The following EEFSEC variants were observed in gnomAD, a reference collection of about 807,000 sequenced individuals.
EEFSEC encodes the protein selenocysteine-specific elongation factor.
A neutral mutation model predicts 42.1 loss-of-function variants in EEFSEC; 43 were observed. That is an observed-to-expected ratio of 1.02 (90% CI 0.80 to 1.32). The LOEUF (loss-of-function observed/expected upper bound fraction) is 1.32, where lower values mean the gene tolerates loss of function less well. EEFSEC is among the 40% of genes most tolerant of loss of function. The pLI is 0.00. For missense variants in EEFSEC, 745 were observed against 803.6 expected, an observed-to-expected ratio of 0.93 and a Z score of 0.88; for synonymous variants, 354 against 339.1, an observed-to-expected ratio of 1.04 and a Z score of -0.48.
At chr3:128,322,763 A>C (rs753935299) in intron 4 of EEFSEC, among the ~76,000 whole-genome samples, 6 of 152,188 alleles carry the variant, frequency 3.9e-5, no homozygotes, top group Non-Finnish European at 5.9e-5. Flanking sequence ...CCACAGGGGC[A>C]GTGAGAGCTG....
chr3:128,277,454 T>TTTTTTGTTTTTG (rs143232801), intron 4 of EEFSEC, among the ~76,000 whole-genome samples: 11 of 152,250 alleles, frequency 7.2e-5, no homozygotes, highest in Middle Eastern at 3.4e-3. Flanking sequence ...AGTTTGGGTG[T>TTTTTTGTTTTTG]TTTTTGTTTT....
chr3:128,354,605 T>G (rs543214336), intron 5 of EEFSEC, among the ~76,000 whole-genome samples: 35 of 152,270 alleles, frequency 2.3e-4, no homozygotes, highest in Non-Finnish European at 4.0e-4. Flanking sequence ...TAAACTAACT[T>G]TGGGGTCATC....
chr3:128,355,398 C>T (rs1391784548), intron 5 of EEFSEC, among the ~76,000 whole-genome samples: 1 of 151,844 alleles, frequency 6.6e-6, no homozygotes, highest in African/African-American at 2.4e-5. Flanking sequence ...GGTGCACAAG[C>T]TGGGACTAGC....
the EEFSEC span, among the ~76,000 whole-genome samples, chr3:128,418,868 T>C: frequency 1.3e-5 from 2 of 152,124 alleles, no homozygotes; most frequent in Non-Finnish European, 2.9e-5. Context: ...CCTCACCCTG[T>C]CTCTGGACCT....
intron 1 of EEFSEC, among the ~76,000 whole-genome samples, chr3:128,230,168 AC>A (rs2065946628): frequency 7.0e-6 from 1 of 142,990 alleles, no homozygotes; most frequent in Admixed American, 7.2e-5. Context: ...TTCTTTCGAG[AC>A]AAGATCGTGC....
At chr3:128,303,264 C>T (rs145279128) in intron 4 of EEFSEC, among the ~76,000 whole-genome samples, 29 of 152,100 alleles carry the variant, frequency 1.9e-4, no homozygotes, top group African/African-American at 5.1e-4. Flanking sequence ...TGCACCTGAC[C>T]GCTTTGCATT....
intron 6 of EEFSEC, among the ~76,000 whole-genome samples, chr3:128,401,545 T>C (rs1052826470): frequency 6.6e-6 from 1 of 152,172 alleles, no homozygotes; most frequent in Non-Finnish European, 1.5e-5. Context: ...AGTGTGAGCA[T>C]GGCAGGCAGA....
chr3:128,186,578 A>G (rs954378000), intron 1 of EEFSEC, among the ~76,000 whole-genome samples: 6 of 152,118 alleles, frequency 3.9e-5, no homozygotes, highest in Non-Finnish European at 8.8e-5. Context: ...TCTTTCATCT[A>G]TTTGGAGTTG....
intron 4 of EEFSEC, among the ~76,000 whole-genome samples, chr3:128,304,777 C>T (rs1216266598): frequency 6.6e-6 from 1 of 151,886 alleles, no homozygotes; most frequent in African/African-American, 2.4e-5. Context: ...GTTCAGGGCT[C>T]ACTGAAGCCT....
At chr3:128,274,729 T>C (rs965378862) in intron 4 of EEFSEC, among the ~76,000 whole-genome samples, 3 of 152,252 alleles carry the variant, frequency 2.0e-5, no homozygotes. Flanking sequence ...ATGCCAGGGC[T>C]GGTTCCCATC....
intron 1 of EEFSEC, among the ~76,000 whole-genome samples, chr3:128,213,850 G>A (rs2107836669): frequency 6.6e-6 from 1 of 152,124 alleles, no homozygotes; most frequent in South Asian, 2.1e-4. Flanking sequence ...AAAATATTAA[G>A]TAAGTAATAA....
intron 6 of EEFSEC, among the ~76,000 whole-genome samples, chr3:128,376,138 C>G (rs1000723554): frequency 6.6e-6 from 1 of 152,194 alleles, no homozygotes; most frequent in African/African-American, 2.4e-5. Context: ...AGTGCTAGAG[C>G]CCCACACCAT....
In EEFSEC at chr3:128,262,219, A is replaced by G. The variant is rs763279916; in HGVS notation, c.616A>G (p.Ile206Val). 2.5e-6 allele frequency: 4 copies of G among 1,613,420 alleles called. No individual in the cohort carries two copies. The highest frequency in any genetic ancestry group is 3.4e-6 in the Non-Finnish European group (4 of 1,179,482). ...TEAPQGIPEL[I>V]ELLTSQISIP... Reference sequence around the variant, plus strand: ...AGCTCCACAGGGCATTCCAGAGCTCATTGAGGTACTGTCATCTTGAATCCA... The same window carrying G: ...AGCTCCACAGGGCATTCCAGAGCTCGTTGAGGTACTGTCATCTTGAATCCA... The change falls in exon 3 of 7, where the codon ATT becomes GTT. Residue 206 changes from isoleucine (I) to valine (V), a missense_variant. Coordinates refer to ENST00000254730, the MANE Select transcript of EEFSEC (RefSeq NM_021937.5).
At chr3:128,289,611 A>T (rs552723572) in intron 4 of EEFSEC, among the ~76,000 whole-genome samples, 2 of 152,344 alleles carry the variant, frequency 1.3e-5, no homozygotes, top group South Asian at 4.1e-4. Flanking sequence ...GTCCCATTTT[A>T]AAATATAGGC....
intron 4 of EEFSEC, among the ~76,000 whole-genome samples, chr3:128,278,066 C>G (rs1324539843): frequency 6.6e-6 from 1 of 152,168 alleles, no homozygotes; most frequent in South Asian, 2.1e-4. Flanking sequence ...AAGGCCAGTT[C>G]AAGTTCTGTC....
chr3:128,412,364 G>A (rs2068179949), downstream of EEFSEC, among the ~76,000 whole-genome samples: 1 of 152,214 alleles, frequency 6.6e-6, no homozygotes, highest in Non-Finnish European at 1.5e-5. Context: ...CTCCATGTGG[G>A]GGTTAGCATC....
At chr3:128,182,365 A>G (rs143715541) in intron 1 of EEFSEC, among the ~76,000 whole-genome samples, 83 of 152,342 alleles carry the variant, frequency 5.4e-4, no homozygotes, top group African/African-American at 1.7e-3. Context: ...AGGATTTTAA[A>G]AAAGTATTAC....
chr3:128,374,387 T>A (rs560579646), intron 6 of EEFSEC, among the ~76,000 whole-genome samples: 37 of 152,318 alleles, frequency 2.4e-4, no homozygotes, highest in African/African-American at 8.7e-4. Context: ...TTTTTCCCAC[T>A]GTTTTTCGTT....
chr3:128,351,194 G>A (rs970829887), intron 5 of EEFSEC, among the ~76,000 whole-genome samples: 2 of 152,072 alleles, frequency 1.3e-5, no homozygotes, highest in African/African-American at 4.8e-5. Context: ...TGTTCTTCTG[G>A]CTTCTCTTGG....
Sources: gnomAD v4.1 joint callset for allele counts (sites outside exome capture counted in the v4.1 genomes callset) on GRCh38, gnomAD v4.1.1 for gene constraint, MANE v1.5 for transcripts, NCBI Gene and HGNC (gene_info 2026-07-23, HGNC 2026-07-21) for gene names.